The following PRKG2 variants were observed in gnomAD, a reference collection of about 807,000 sequenced individuals.
PRKG2 encodes cGMP-dependent protein kinase 2.
In PRKG2, 33 loss-of-function variants were observed where a neutral mutation model predicts 97.2. That is an observed-to-expected ratio of 0.34 (90% CI 0.26 to 0.45). The LOEUF (loss-of-function observed/expected upper bound fraction) is 0.45, where lower values mean the gene tolerates loss of function less well. Ranked by LOEUF, PRKG2 falls within the 20% of genes least tolerant of loss-of-function variation. The pLI is 1.00. For synonymous variants in PRKG2, 330 were observed against 321.8 expected (o/e 1.03, Z -0.27); for missense variants, 638 against 900.0 (o/e 0.71, Z 3.73).
At chr4:81,101,786 GA>G (rs541012490) in intron 17 of PRKG2, among the ~76,000 whole-genome samples, 6 of 150,092 alleles carry the variant, frequency 4.0e-5, no homozygotes, top group South Asian at 2.1e-4. Context: ...GGTTCTCTAA[GA>G]AAAAAAAAGT....
chr4:81,144,796 C>G (rs1747696490), intron 9 of PRKG2, among the ~76,000 whole-genome samples: 1 of 135,844 alleles, frequency 7.4e-6, no homozygotes, highest in Non-Finnish European at 1.5e-5. Flanking sequence ...TGTCATGTTC[C>G]CCTTCCTGTG....
chr4:81,141,818 A>G (rs1169729004), intron 11 of PRKG2, among the ~76,000 whole-genome samples: 1 of 152,180 alleles, frequency 6.6e-6, no homozygotes, highest in Non-Finnish European at 1.5e-5. Context: ...TTATCTCTCC[A>G]TAAGGTATAA....
At chr4:81,185,478 C>T (rs1751795503) in intron 2 of PRKG2, among the ~76,000 whole-genome samples, 1 of 152,122 alleles carries the variant, frequency 6.6e-6, no homozygotes, top group Non-Finnish European at 1.5e-5. Context: ...CTGAAGGAAG[C>T]ACTAAATATG....
chr4:81,171,834 C>G (rs765706806), intron 3 of PRKG2, 30 bp from the exon 4 acceptor site: 4 of 1,467,362 alleles, frequency 2.7e-6, no homozygotes, highest in Non-Finnish European at 3.8e-6. Context: ...AAAACACACA[C>G]ACAAATAATC....
chr4:81,104,171 T>A (rs1176933707), intron 17 of PRKG2, among the ~76,000 whole-genome samples, 199 bp downstream of exon 17: 2 of 152,170 alleles, frequency 1.3e-5, no homozygotes, highest in Non-Finnish European at 2.9e-5. Context: ...TTGATACGAA[T>A]TTCCAGCATG....
intron 14 of PRKG2, among the ~76,000 whole-genome samples, chr4:81,131,268 G>T (rs1746150575): frequency 6.7e-6 from 1 of 150,178 alleles, no homozygotes; most frequent in African/African-American, 2.5e-5. Context: ...TGGTTCCCAG[G>T]TGAGGTGACA....
In PRKG2 at chr4:81,088,083, T is replaced by C. The variant is rs1741250679; in HGVS notation, c.*1625A>G. 6.6e-6 allele frequency: 1 copy of C among 152,152 alleles called. No individual in the cohort carries two copies. The highest frequency in any genetic ancestry group is 2.4e-5 in the African/African-American group (1 of 41,454). The allele number at this position is 152,152 out of a possible 1,614,324, so 9.4% of individuals were successfully genotyped here. ...TTAGAAATTCTTTAAGCAGGTTATG[T>C]CAATCCTATTAAAAATGATTATTCT... On this transcript the variant is annotated 3_prime_UTR_variant, in exon 19 of 19. Coordinates refer to ENST00000264399, the MANE Select transcript of PRKG2 (RefSeq NM_006259.3).
chr4:81,150,382 C>A (rs1314962099), intron 8 of PRKG2, among the ~76,000 whole-genome samples: 2 of 152,032 alleles, frequency 1.3e-5, no homozygotes, highest in African/African-American at 2.4e-5. Context: ...TGAAAGAACT[C>A]CAGGGACTAT....
intron 8 of PRKG2, 148 bp from the exon 9 acceptor site, chr4:81,149,100 C>T: frequency 2.8e-6 from 2 of 714,768 alleles, no homozygotes; most frequent in Non-Finnish European, 4.8e-6. Context: ...TAATTTATAT[C>T]CCCCCAAAAA....
At chr4:81,132,852 TA>T (rs767501020) in intron 14 of PRKG2, among the ~76,000 whole-genome samples, 39 of 151,846 alleles carry the variant, frequency 2.6e-4, no homozygotes, top group Non-Finnish European at 4.9e-4. Flanking sequence ...CTCTTAGTTT[TA>T]AAACATATTA....
At chr4:81,164,380 A>G (rs1195847954) in intron 6 of PRKG2, among the ~76,000 whole-genome samples, 1 of 152,156 alleles carries the variant, frequency 6.6e-6, no homozygotes, top group African/African-American at 2.4e-5. Context: ...TCAATGGTTC[A>G]TAAACTGTAG....
intron 7 of PRKG2, among the ~76,000 whole-genome samples, chr4:81,152,676 T>A (rs1381607309): frequency 6.6e-6 from 1 of 152,188 alleles, no homozygotes; most frequent in Non-Finnish European, 1.5e-5. Flanking sequence ...CAAGTGCTGA[T>A]TCAGGCTGAA....
rs1269318086 is a variant in PRKG2 at position 81,105,998 on chromosome 4, G to T, written c.1941-63C>A. 9.9e-6 allele frequency: 15 copies of T among 1,518,120 alleles called. No homozygotes were observed. In the South Asian group the frequency reaches 1.9e-4, roughly 19 times the overall value. 94.0% of individuals were successfully genotyped at this position (1,518,120 alleles called of 1,614,324 possible). A position where few individuals can be genotyped will look rare whatever the true frequency, so the allele number is the denominator to read the frequency against. ...CAGGGTCTGAGATCACATTTGGAAT[G>T]AATTTTCTTTCTTCCTTCTTTCCTT... is the stretch of plus-strand genomic sequence containing the variant. On this transcript the variant is annotated intron_variant, in intron 15 of 18. Coordinates refer to ENST00000264399, the MANE Select transcript of PRKG2 (RefSeq NM_006259.3).
At chr4:81,123,599 T>C (rs140090220) in intron 14 of PRKG2, among the ~76,000 whole-genome samples, 188 of 152,242 alleles carry the variant, frequency 1.2e-3, no homozygotes, top group South Asian at 3.9e-3. Flanking sequence ...AGAGATGGGG[T>C]TTCACCATGT....
chr4:81,211,618 G>A (rs1753976339), intron 1 of PRKG2, among the ~76,000 whole-genome samples: 1 of 152,130 alleles, frequency 6.6e-6, no homozygotes, highest in Non-Finnish European at 1.5e-5. Flanking sequence ...AAAGAGCTTA[G>A]AGGAAGTAAG....
chr4:81,099,396 G>A (rs1742474388), intron 17 of PRKG2, among the ~76,000 whole-genome samples: 1 of 152,140 alleles, frequency 6.6e-6, no homozygotes, highest in Non-Finnish European at 1.5e-5. Context: ...TGGGATGCAA[G>A]GCTGGTTCAA....
intron 4 of PRKG2, among the ~76,000 whole-genome samples, chr4:81,171,077 T>A (rs768766371): frequency 3.9e-5 from 6 of 152,130 alleles, no homozygotes; most frequent in Non-Finnish European, 7.4e-5. Context: ...GATAAACGTG[T>A]GCTGTGGTGC....
At chr4:81,148,224 T>C (rs1748044834) in intron 9 of PRKG2, among the ~76,000 whole-genome samples, 1 of 152,122 alleles carries the variant, frequency 6.6e-6, no homozygotes, top group Non-Finnish European at 1.5e-5. Flanking sequence ...CTATGACTTT[T>C]CTGACAATGG....
intron 17 of PRKG2, among the ~76,000 whole-genome samples, chr4:81,095,703 T>C (rs757169693): frequency 2.2e-4 from 34 of 152,168 alleles, no homozygotes; most frequent in Admixed American, 6.5e-4. Context: ...ACCAGAGAAA[T>C]ATTAGCAGCA....
Sources: gnomAD v4.1 joint callset for allele counts (sites outside exome capture counted in the v4.1 genomes callset) on GRCh38, gnomAD v4.1.1 for gene constraint, MANE v1.5 for transcripts, NCBI Gene and HGNC (gene_info 2026-07-23, HGNC 2026-07-21) for gene names.